The following ARID4B variants were observed in gnomAD, a reference collection of about 807,000 sequenced individuals.
ARID4B encodes AT-rich interaction domain 4B, also known as AT-rich interactive domain-containing protein 4B.
In ARID4B, 26 loss-of-function variants were observed where a neutral mutation model predicts 147.5. The ratio of observed to expected loss-of-function variants is 0.18; its 90% confidence interval spans 0.13 to 0.24. The LOEUF (loss-of-function observed/expected upper bound fraction) is 0.24, where lower values mean the gene tolerates loss of function less well. Ranked by LOEUF, ARID4B falls within the 10% of genes least tolerant of loss-of-function variation. The pLI, the probability that ARID4B is intolerant of heterozygous loss-of-function variation, is 1.00. For missense variants in ARID4B, 1,179 were observed against 1,511.5 expected, an observed-to-expected ratio of 0.78 and a Z score of 3.65; for synonymous variants, 512 against 507.9, an observed-to-expected ratio of 1.01 and a Z score of -0.11.
chr1:235,296,080 G>C (rs887157236), intron 2 of ARID4B: 2 of 168,718 alleles, frequency 1.2e-5, no homozygotes, highest in Non-Finnish European at 2.6e-5. Context: ...CAGTCCAGGA[G>C]AAACCAGCTT....
intron 8 of ARID4B, among the ~76,000 whole-genome samples, chr1:235,236,458 A>C (rs1668560644): frequency 6.6e-6 from 1 of 151,832 alleles, no homozygotes; most frequent in Non-Finnish European, 1.5e-5. Context: ...TAAAAAATTT[A>C]ATGTTCCTAT....
chr1:235,246,627 G>A (rs190966488), intron 6 of ARID4B, 116 bp from the exon 7 acceptor site: 5 of 674,168 alleles, frequency 7.4e-6, no homozygotes, highest in East Asian at 2.7e-5. Flanking sequence ...TCTCCCCCCA[G>A]GGAAGCTAAA....
chr1:235,299,648 A>G (rs1672988249), intron 2 of ARID4B, among the ~76,000 whole-genome samples: 2 of 152,236 alleles, frequency 1.3e-5, no homozygotes, highest in African/African-American at 4.8e-5. Context: ...GTTTAATGGT[A>G]TCATTTGAGA....
At chr1:235,319,561 A>AT (rs894459581) in intron 2 of ARID4B, among the ~76,000 whole-genome samples, 10 of 152,062 alleles carry the variant, frequency 6.6e-5, no homozygotes, top group South Asian at 2.1e-4. Context: ...ATTATATCTC[A>AT]TTTTTTTTAA....
At chr1:235,228,521 T>G (rs1667988331) in intron 11 of ARID4B, 1 of 151,954 alleles carries the variant, frequency 6.6e-6, no homozygotes, top group African/African-American at 2.4e-5. Context: ...TTCACCATGT[T>G]GCCCAGTCTG....
chr1:235,288,053 T>A (rs1053275974), intron 2 of ARID4B, among the ~76,000 whole-genome samples: 40 of 152,256 alleles, frequency 2.6e-4, no homozygotes, highest in African/African-American at 9.6e-4. Context: ...ATGCCTGTAA[T>A]CCCAGCACTT....
intron 21 of ARID4B, chr1:235,176,782 G>C (rs1663915735): frequency 2.2e-6 from 1 of 465,092 alleles, no homozygotes; most frequent in Non-Finnish European, 4.4e-6. Flanking sequence ...CAGAACCTCG[G>C]GGAGCTGGCC....
intron 16 of ARID4B, among the ~76,000 whole-genome samples, chr1:235,218,731 A>G (rs1168135740): frequency 6.6e-6 from 1 of 152,158 alleles, no homozygotes; most frequent in Non-Finnish European, 1.5e-5. Flanking sequence ...CATACTTCAA[A>G]TATATATTTT....
chr1:235,182,889 C>G, intron 19 of ARID4B, 96 bp from the exon 20 acceptor site: 1 of 1,248,412 alleles, frequency 8.0e-7, no homozygotes. Context: ...CCTGTGTATA[C>G]AGCCACCCGA....
intron 17 of ARID4B, 26 bp from the exon 18 acceptor site, chr1:235,196,141 A>G: frequency 8.6e-7 from 1 of 1,166,804 alleles, no homozygotes. Flanking sequence ...ATTAATATAA[A>G]TATGTACAAT....
intron 20 of ARID4B, chr1:235,180,991 T>C (rs1171280181): frequency 2.5e-6 from 1 of 403,666 alleles, no homozygotes; most frequent in Non-Finnish European, 3.4e-6. Flanking sequence ...AGTATTACTG[T>C]AGGTTATTAA....
chr1:235,297,578 A>C (rs187272704), intron 2 of ARID4B, among the ~76,000 whole-genome samples: 5 of 152,308 alleles, frequency 3.3e-5, no homozygotes, highest in African/African-American at 1.2e-4. Context: ...GTGAAAGTTG[A>C]TAAGAACTTT....
chr1:235,201,236 C>T (rs1211354450), intron 17 of ARID4B, among the ~76,000 whole-genome samples: 1 of 152,078 alleles, frequency 6.6e-6, no homozygotes, highest in African/African-American at 2.4e-5. Context: ...AATAGAAGGC[C>T]ATAAAATATT....
rs377254383 is a variant in ARID4B, at chr1:235,260,766, G to T, written c.7-14C>A. 8 of 1,541,186 alleles carry T rather than the reference G, an allele frequency of 5.2e-6. No homozygotes were observed. The highest frequency in any genetic ancestry group is 1.7e-4 in the Middle Eastern group (1 of 5,944). On this transcript the variant is annotated splice_polypyrimidine_tract_variant and intron_variant, in intron 2 of 23. Transcript: ENST00000264183. ...CTCATCAAGGGCCTAAAAATGCAAAGAAATATAATTAGATTTAAACTCTCT... is the reference window on the plus strand; with the variant it reads ...CTCATCAAGGGCCTAAAAATGCAAATAAATATAATTAGATTTAAACTCTCT...
At chr1:235,255,220 T>TATATATATATATAGAGAGAGAGAGAG (rs1264196304) in intron 5 of ARID4B, among the ~76,000 whole-genome samples, 2,210 of 60,560 alleles carry the variant, frequency 0.036, 45 homozygotes, top group African/African-American at 0.084. Context: ...TGCTGGGAGC[T>TATATATATATATAGAGAGAGAGAGAG]AGATAGATAG....
At chr1:235,176,535 C>T (rs1455767020) in intron 21 of ARID4B, among the ~76,000 whole-genome samples, 1 of 149,580 alleles carries the variant, frequency 6.7e-6, no homozygotes, top group Middle Eastern at 3.2e-3. Flanking sequence ...ACTCCTCCCA[C>T]TGTGAAATTT....
At chr1:235,308,206 TCTC>T (rs961631847) in intron 2 of ARID4B, among the ~76,000 whole-genome samples, 2 of 150,452 alleles carry the variant, frequency 1.3e-5, no homozygotes, top group African/African-American at 4.9e-5. Flanking sequence ...TTCAGGCACT[TCTC>T]CTGTCTCAGC....
At chr1:235,190,330 C>T (rs1442373166) in intron 19 of ARID4B, among the ~76,000 whole-genome samples, 1 of 152,074 alleles carries the variant, frequency 6.6e-6, no homozygotes, top group Non-Finnish European at 1.5e-5. Context: ...CCCCTGCAAT[C>T]CCACCTACTC....
At chr1:235,289,338 A>C (rs1214671593) in intron 2 of ARID4B, among the ~76,000 whole-genome samples, 1 of 152,236 alleles carries the variant, frequency 6.6e-6, no homozygotes, top group African/African-American at 2.4e-5. Context: ...AATATAAATG[A>C]CAAACTCTAC....
Sources: gnomAD v4.1 joint callset for allele counts (sites outside exome capture counted in the v4.1 genomes callset) on GRCh38, gnomAD v4.1.1 for gene constraint, MANE v1.5 for transcripts, NCBI Gene and HGNC (gene_info 2026-07-23, HGNC 2026-07-21) for gene names.